Variants in GNAS-AS1 observed in about 807,000 individuals in gnomAD.
The protein encoded by GNAS-AS1 is GNAS antisense RNA 1 (non-protein coding).
chr20:58,842,987 C>T (rs1274038564), intron 2 of GNAS-AS1, among the ~76,000 whole-genome samples: 1 of 152,192 alleles, frequency 6.6e-6, no homozygotes, highest in Non-Finnish European at 1.5e-5. Flanking sequence ...TCACACCCAT[C>T]TTGCTGTTTT....
rs1313255145 is a variant in GNAS-AS1, at chr20:58,840,122, C to T, written n.819+1815G>A. 6 of 1,611,188 alleles carry T rather than the reference C, an allele frequency of 3.7e-6. No individual in the cohort carries two copies. Among genetic ancestry groups the T allele is most frequent in the African/African-American group, 2.7e-5 (2 of 74,912 alleles). Reference sequence around the variant, plus strand: ...GCCTAAGAGGATGGATCGGAGGTCCCGGGCTCAGCAGTGGCGCCGAGCTCG... The same window carrying T: ...GCCTAAGAGGATGGATCGGAGGTCCTGGGCTCAGCAGTGGCGCCGAGCTCG... On this transcript the variant is annotated intron_variant and non_coding_transcript_variant, in intron 4 of 4. Transcript: ENST00000424094. This position sits in a 1 kb window ranked among gnomAD's most constrained non-coding sequence, Gnocchi z 6.0.
intron 1 of GNAS-AS1, among the ~76,000 whole-genome samples, chr20:58,849,383 G>A (rs553736446): frequency 1.1e-4 from 16 of 152,222 alleles, no homozygotes; most frequent in Non-Finnish European, 1.5e-4. Flanking sequence ...TGTCCAGTGC[G>A]CCAATTGTTC....
intron 4 of GNAS-AS1, chr20:58,826,199 C>T (rs780164065): frequency 2.2e-4 from 89 of 398,016 alleles, no homozygotes; most frequent in Admixed American, 7.0e-4. Flanking sequence ...ATAATAATAA[C>T]ATTAATACGA....
At chr20:58,831,536 C>T (rs566304715) in intron 4 of GNAS-AS1, among the ~76,000 whole-genome samples, 3 of 151,962 alleles carry the variant, frequency 2.0e-5, no homozygotes, top group East Asian at 1.9e-4. Context: ...CAAAATTAGC[C>T]GGGAGAATGG....
Position 58,840,752 on chromosome 20 carries a change from C to A in GNAS-AS1, n.819+1185G>T, listed in dbSNP as rs1366179134. 2.5e-6 allele frequency: 4 copies of A among 1,605,874 alleles called. No homozygotes were observed. The highest frequency in any genetic ancestry group is 3.4e-6 in the Non-Finnish European group (4 of 1,179,404). On this transcript the variant is annotated intron_variant and non_coding_transcript_variant, in intron 4 of 4. Coordinates refer to ENST00000424094, the Ensembl canonical transcript of GNAS-AS1. This position sits in a 1 kb window ranked among gnomAD's most constrained non-coding sequence, Gnocchi z 6.0. ...GAAGGAGCCCAAGGAGGAGAAGCAG[C>A]GGCGTCGCTGCAAGCCAAAGAAGCC... is the stretch of plus-strand genomic sequence containing the variant.
intron 4 of GNAS-AS1, among the ~76,000 whole-genome samples, chr20:58,830,950 A>C (rs1397973561): frequency 6.6e-6 from 1 of 152,124 alleles, no homozygotes. Flanking sequence ...CCCTTTAAAA[A>C]CAGATATAAA....
chr20:58,840,236 G>A lies in GNAS-AS1; in HGVS notation n.819+1701C>T. 1.2e-6 allele frequency: 2 copies of A among 1,610,928 alleles called. No individual in the cohort carries two copies. The highest frequency in any genetic ancestry group is 1.1e-5 in the South Asian group (1 of 91,046). Reference sequence around the variant, plus strand: ...CTCCTGCTCCATCGCGCTCCTCCGCGCCCTTGCCACCTCCAACGCCCGTGC... The same window carrying A: ...CTCCTGCTCCATCGCGCTCCTCCGCACCCTTGCCACCTCCAACGCCCGTGC... On this transcript the variant is annotated intron_variant and non_coding_transcript_variant, in intron 4 of 4. Coordinates refer to ENST00000424094, the Ensembl canonical transcript of GNAS-AS1. The surrounding 1 kb of genome is among the most constrained non-coding windows in gnomAD (Gnocchi z 6.0).
At chr20:58,827,247 C>T (rs1427612802) in intron 4 of GNAS-AS1, among the ~76,000 whole-genome samples, 1 of 152,158 alleles carries the variant, frequency 6.6e-6, no homozygotes, top group Non-Finnish European at 1.5e-5. Flanking sequence ...CCCAGCCCCA[C>T]AAGCAGAGCA....
At chr20:58,839,127 G>A (rs138841590) in intron 4 of GNAS-AS1, 1 of 398,434 alleles carries the variant, frequency 2.5e-6, no homozygotes, top group African/African-American at 2.1e-5. Flanking sequence ...GCAGTCCTCA[G>A]ATGGGCTTGC....
intron 4 of GNAS-AS1, among the ~76,000 whole-genome samples, chr20:58,821,640 C>A (rs752666540): frequency 2.0e-5 from 3 of 152,144 alleles, no homozygotes; most frequent in Non-Finnish European, 4.4e-5. Context: ...CTAACCCTAG[C>A]GTCCCTTGGA....
intron 2 of GNAS-AS1, among the ~76,000 whole-genome samples, chr20:58,845,793 G>A (rs527593555): frequency 6.6e-6 from 1 of 152,188 alleles, no homozygotes; most frequent in African/African-American, 2.4e-5. Flanking sequence ...TAGTGACTTA[G>A]TTCTCCCAAG....
intron 4 of GNAS-AS1, among the ~76,000 whole-genome samples, chr20:58,830,301 T>TA (rs2085549304): frequency 1.5e-4 from 3 of 19,558 alleles, no homozygotes; most frequent in South Asian, 2.0e-3. Flanking sequence ...ACCACCACCA[T>TA]CACCACCACC....
chr20:58,819,838 G>A (rs13042402), intron 4 of GNAS-AS1, among the ~76,000 whole-genome samples: 48,300 of 152,030 alleles, frequency 0.32, 8,727 homozygotes, highest in East Asian at 0.64. Flanking sequence ...CCTTTGTCAC[G>A]GACAAAAAAC....
intron 4 of GNAS-AS1, chr20:58,839,169 G>C (rs2085641785): frequency 2.5e-6 from 1 of 398,386 alleles, no homozygotes; most frequent in African/African-American, 2.1e-5. Flanking sequence ...AACCGTGGGG[G>C]CCCTTGTTGA....
At position 58,840,924 on chromosome 20, in the gene GNAS-AS1, G is replaced by T; in HGVS notation, n.819+1013C>A. 1 of 1,606,950 alleles carries T rather than the reference G, an allele frequency of 6.2e-7. No homozygotes were observed. The highest frequency in any genetic ancestry group is 8.5e-7 in the Non-Finnish European group (1 of 1,176,504). ...CCGCTAAACTGGGGAGCCTGAGGGC[G>T]GTGTGGGAGCAGCGCAGGTGGAAAG... On this transcript the variant is annotated intron_variant and non_coding_transcript_variant, in intron 4 of 4. Transcript: ENST00000424094. This position sits in a 1 kb window ranked among gnomAD's most constrained non-coding sequence, Gnocchi z 6.0.
intron 1 of GNAS-AS1, chr20:58,850,502 TG>T: frequency 2.5e-6 from 1 of 398,552 alleles, no homozygotes; most frequent in Non-Finnish European, 4.4e-6. Context: ...GCAGCCTCCC[TG>T]GGGCTCCAAC....
chr20:58,836,280 C>T (rs2085602477), intron 4 of GNAS-AS1: 1 of 152,234 alleles, frequency 6.6e-6, no homozygotes, highest in African/African-American at 2.4e-5. Flanking sequence ...CGCCAACTTT[C>T]TGACAGCCCA....
chr20:58,826,702 CTTCT>C (rs2085522473), intron 4 of GNAS-AS1: 1 of 151,622 alleles, frequency 6.6e-6, no homozygotes, highest in African/African-American at 2.4e-5. Context: ...AACTATGTTA[CTTCT>C]TTCTTTTCTT....
intron 4 of GNAS-AS1, among the ~76,000 whole-genome samples, chr20:58,830,455 TCACCACCACC>T (rs2085554449): frequency 6.5e-5 from 1 of 15,296 alleles, no homozygotes; most frequent in Non-Finnish European, 1.2e-4. Flanking sequence ...ACCACCACCA[TCACCACCACC>T]ACACCACCAT....
Sources: gnomAD v4.1 joint callset for allele counts (sites outside exome capture counted in the v4.1 genomes callset) on GRCh38, gnomAD v4.1.1 for gene constraint, Gnocchi (gnomAD v3.1) non-coding constraint, MANE v1.5 for transcripts, NCBI Gene and HGNC (gene_info 2026-07-23, HGNC 2026-07-21) for gene names.